The following PARP14 variants were observed in gnomAD, a reference collection of about 807,000 sequenced individuals.
The protein encoded by PARP14 is protein mono-ADP-ribosyltransferase PARP14.
Under a neutral mutation model 154.2 loss-of-function variants are expected in PARP14, and 59 were observed. The ratio of observed to expected loss-of-function variants is 0.38; its 90% CI spans 0.31 to 0.48. PARP14 has a LOEUF of 0.48. PARP14 is among the 20% of genes least tolerant of loss of function. The probability of loss-of-function intolerance (pLI) is 0.98; values close to 1 mark genes in which losing one functional copy is unlikely to be tolerated. For synonymous variants in PARP14, 720 were observed against 780.5 expected, an observed-to-expected ratio of 0.92 and a Z score of 1.29; for missense variants, 1,734 against 2,131.6, an observed-to-expected ratio of 0.81 and a Z score of 3.67.
At chr3:122,689,342 G>A (rs1221597046) in intron 3 of PARP14, among the ~76,000 whole-genome samples, 1 of 152,124 alleles carries the variant, frequency 6.6e-6, no homozygotes, top group Non-Finnish European at 1.5e-5. Context: ...TGTTTTTGGA[G>A]AGAGGGTTTC....
At chr3:122,682,911 C>T (rs572708330) in intron 1 of PARP14, among the ~76,000 whole-genome samples, 16 of 152,130 alleles carry the variant, frequency 1.1e-4, no homozygotes, top group South Asian at 8.3e-4. Context: ...AAAAATTAGC[C>T]GAGCGTGGTG....
chr3:122,695,903 G>T (rs377429524), intron 5 of PARP14, among the ~76,000 whole-genome samples: 3 of 152,170 alleles, frequency 2.0e-5, no homozygotes, highest in Non-Finnish European at 2.9e-5. Flanking sequence ...CTCTACCTAT[G>T]ATGGGCTGAA....
In PARP14 at chr3:122,720,019, C is replaced by T. The variant is rs530279767; in HGVS notation, c.4808-236C>T. 3.9e-5 allele frequency among the ~76,000 whole-genome samples: 6 copies of T among 152,302 alleles called. No individual in the cohort carries two copies. The East Asian group carries it at 1.2e-3, about 29-fold the overall frequency. Reference sequence around the variant, plus strand: ...AGGAGGCAGACATACAGGCTCTGCCCCTCACAGATGCTGATTCAGTTGATC... The same window carrying T: ...AGGAGGCAGACATACAGGCTCTGCCTCTCACAGATGCTGATTCAGTTGATC... On this transcript the variant is annotated intron_variant, in intron 14 of 16. Transcript: ENST00000474629.
chr3:122,705,360 A>G (rs1309278981), intron 8 of PARP14, among the ~76,000 whole-genome samples: 1 of 152,228 alleles, frequency 6.6e-6, no homozygotes, highest in East Asian at 1.9e-4. Flanking sequence ...ATTTCCCTCC[A>G]TATGGACATA....
At chr3:122,702,784 A>G (rs1939017518) in intron 6 of PARP14, among the ~76,000 whole-genome samples, 1 of 152,166 alleles carries the variant, frequency 6.6e-6, no homozygotes, top group Non-Finnish European at 1.5e-5. Flanking sequence ...AGCATCAGTT[A>G]TGGGAATGAA....
intron 2 of PARP14, 71 bp from the exon 3 acceptor site, chr3:122,687,009 C>A: frequency 9.2e-7 from 1 of 1,092,030 alleles, no homozygotes; most frequent in Non-Finnish European, 1.4e-6. Flanking sequence ...CCAGGCTGGT[C>A]CCAGGGACAT....
intron 8 of PARP14, among the ~76,000 whole-genome samples, 174 bp downstream of exon 8, chr3:122,704,922 G>T (rs553740056): frequency 1.3e-5 from 2 of 152,300 alleles, no homozygotes; most frequent in South Asian, 4.1e-4. Context: ...AAAAGTTACA[G>T]ATGTAGAAAA....
chr3:122,689,484 T>C (rs1179964285), intron 3 of PARP14, among the ~76,000 whole-genome samples: 1 of 152,166 alleles, frequency 6.6e-6, no homozygotes, highest in East Asian at 1.9e-4. Flanking sequence ...ATTTTTAACA[T>C]TTTTTGTGGA....
intron 14 of PARP14, 59 bp from the exon 15 acceptor site, chr3:122,720,196 T>C: frequency 6.5e-7 from 1 of 1,536,822 alleles, no homozygotes; most frequent in Non-Finnish European, 8.9e-7. Context: ...ACACAGATAC[T>C]AAATGTTCCA....
chr3:122,688,685 T>C (rs1022705587), intron 3 of PARP14, among the ~76,000 whole-genome samples: 23 of 152,112 alleles, frequency 1.5e-4, no homozygotes, highest in Non-Finnish European at 2.9e-4. Context: ...CTGAGCAAAG[T>C]GTGGGTGGAG....
chr3:122,696,479 T>C lies in PARP14; in HGVS notation c.835+817T>C, dbSNP rs112644676. ...TTGGGAAAACTGGATGAAAGTATGG[T>C]TTGAATTAAAATGGAATGAAAGACC... is the stretch of plus-strand genomic sequence containing the variant. On this transcript the variant is annotated intron_variant, in intron 5 of 16. Transcript: ENST00000474629. Among the ~76,000 whole-genome samples, 496 of 152,208 alleles carry C rather than the reference T, an allele frequency of 3.3e-3. 4 individuals carry two copies. The highest frequency in any genetic ancestry group is 0.01 in the African/African-American group (425 of 41,526).
chr3:122,725,388 A>AG, intron 15 of PARP14, among the ~76,000 whole-genome samples: 1 of 149,236 alleles, frequency 6.7e-6, no homozygotes, highest in African/African-American at 2.5e-5. Context: ...GCGGCCGGGC[A>AG]AAGGTGCTCC....
At chr3:122,714,239 A>T in intron 11 of PARP14, 23 bp from the exon 12 acceptor site, 1 of 1,572,414 alleles carries the variant, frequency 6.4e-7, no homozygotes, top group Non-Finnish European at 8.6e-7. Context: ...CTAATTTTGC[A>T]TCTTTTTGTC....
At chr3:122,724,352 G>A (rs1304375585) in intron 15 of PARP14, among the ~76,000 whole-genome samples, 1 of 151,004 alleles carries the variant, frequency 6.6e-6, no homozygotes, top group African/African-American at 2.4e-5. Flanking sequence ...CAGCTGGAGT[G>A]CATCAGCGTG....
intron 9 of PARP14, among the ~76,000 whole-genome samples, chr3:122,709,637 G>A (rs1457972591): frequency 6.6e-6 from 1 of 152,190 alleles, no homozygotes; most frequent in Non-Finnish European, 1.5e-5. Context: ...CGTAGTGGTT[G>A]TAATAATTTG....
Position 122,716,520 on chromosome 3 carries a change from A to G in PARP14, c.4001-1551A>G, listed in dbSNP as rs550148853. On this transcript the variant is annotated intron_variant, in intron 12 of 16. Transcript: ENST00000474629. The stretch of plus-strand genomic sequence containing the variant: ...GTGAGAGACAGGCATGCAAACAAAC[A>G]ACTGCAATGCAACGTGAACCATGAT... Among the ~76,000 whole-genome samples the G allele has an allele frequency of 3.3e-5, 5 of 152,298 alleles. No homozygotes were observed. In the South Asian group the frequency reaches 1.0e-3, roughly 32 times the overall value.
intron 5 of PARP14, among the ~76,000 whole-genome samples, chr3:122,696,978 G>C (rs1377215141): frequency 6.6e-6 from 1 of 152,034 alleles, no homozygotes; most frequent in Non-Finnish European, 1.5e-5. Context: ...ATTTGAGACA[G>C]GGTCTCACTG....
At chr3:122,715,631 T>TATCTATC (rs1391892420) in intron 12 of PARP14, among the ~76,000 whole-genome samples, 2 of 138,214 alleles carry the variant, frequency 1.4e-5, no homozygotes, top group Non-Finnish European at 3.4e-5. Context: ...TCTATCTATC[T>TATCTATC]ATCTATCTAT....
intron 14 of PARP14, 49 bp from the exon 15 acceptor site, chr3:122,720,206 A>G: frequency 6.3e-7 from 1 of 1,575,446 alleles, no homozygotes; most frequent in Non-Finnish European, 8.7e-7. Flanking sequence ...TAAATGTTCC[A>G]GAGTGTACCG....
Sources: allele counts gnomAD v4.1 joint callset (sites outside exome capture counted in the v4.1 genomes callset), GRCh38; gene constraint gnomAD v4.1.1; transcripts MANE v1.5; gene names NCBI Gene and HGNC (gene_info 2026-07-23, HGNC 2026-07-21).